RRAGC: variants seen among roughly 807,000 people sequenced by gnomAD.
RRAGC encodes ras-related GTP-binding protein C.
RRAGC carries 8 observed loss-of-function variants against 37.1 expected under a neutral mutation model. The observed-to-expected ratio is 0.22, with a 90% confidence interval of 0.13 to 0.39. The LOEUF (loss-of-function observed/expected upper bound fraction) is 0.39. Ranked by LOEUF, RRAGC falls within the 10% of genes least tolerant of loss-of-function variation. The pLI, the probability that RRAGC is intolerant of heterozygous loss-of-function variation, is 1.00. For synonymous variants in RRAGC, 190 were observed against 181.1 expected (o/e 1.05, Z -0.39); for missense variants, 342 against 497.6 (o/e 0.69, Z 2.98).
rs936243837 is a variant in RRAGC at position 38,859,721 on chromosome 1, C to A, written c.-75G>T. On this transcript the variant is annotated 5_prime_UTR_variant, in exon 1 of 7. Transcript: ENST00000373001. Reference sequence around the variant, plus strand: ...GCCAGGCCGCCGCCTCCCCAGTCCGCCTCCGCCGCCGCCGCCACCACCGCC... The same window carrying A: ...GCCAGGCCGCCGCCTCCCCAGTCCGACTCCGCCGCCGCCGCCACCACCGCC... The A allele has an allele frequency of 8.2e-7, 1 of 1,212,952 alleles. No individual in the cohort carries two copies. 75.1% of individuals were successfully genotyped at this position (1,212,952 alleles called of 1,614,324 possible).
chr1:38,853,335 G>A (rs1043827632), intron 3 of RRAGC, among the ~76,000 whole-genome samples: 1 of 152,182 alleles, frequency 6.6e-6, no homozygotes, highest in African/African-American at 2.4e-5. Flanking sequence ...TTTAAACACT[G>A]TCAACAATTC....
intron 6 of RRAGC, among the ~76,000 whole-genome samples, chr1:38,840,038 C>G (rs1040603186): frequency 3.3e-5 from 5 of 151,558 alleles, no homozygotes; most frequent in African/African-American, 1.2e-4. Flanking sequence ...GTACCAGCTA[C>G]TCAGGAGGCT....
Position 38,855,756 on chromosome 1 carries a change from C to G in RRAGC, c.593G>C (p.Arg198Thr). ...KIETQRDIHQ[R>T]ANDDLADAGL... ...AGCATCTGCAAGGTCATCATTGGCC[C>G]TTTGATGAATGTCCCTCTGTGTTTC... Residue 198 changes from arginine (R) to threonine (T), a missense_variant, in exon 3 of 7, where the codon AGG (arginine) becomes ACG (threonine). By Grantham distance (71) the Arg-to-Thr change is moderately conservative. Around this residue, in one of 3 missense-constraint regions of RRAGC, gnomAD observed 134 missense variants for 277.2 expected, o/e 0.48. Transcript: ENST00000373001. 1 of 1,614,046 alleles carries G rather than the reference C, an allele frequency of 6.2e-7. No homozygotes were observed. Among genetic ancestry groups the G allele is most frequent in the Non-Finnish European group, 8.5e-7 (1 of 1,179,968 alleles).
At chr1:38,859,388 G>C in intron 1 of RRAGC, 22 bp downstream of exon 1, 1 of 1,542,276 alleles carries the variant, frequency 6.5e-7, no homozygotes. Context: ...GGGGGCGGGG[G>C]ACTGGGCGCA....
intron 3 of RRAGC, among the ~76,000 whole-genome samples, chr1:38,854,866 G>A (rs1249034709): frequency 6.6e-6 from 1 of 152,116 alleles, no homozygotes; most frequent in Non-Finnish European, 1.5e-5. Flanking sequence ...ATAACTTGCT[G>A]TCTCTCTCCC....
At chr1:38,845,894 TG>T in intron 6 of RRAGC, 44 bp downstream of exon 6, 1 of 1,504,798 alleles carries the variant, frequency 6.6e-7, no homozygotes, top group South Asian at 1.2e-5. Context: ...TGAGAAGTTA[TG>T]GCAAAGAAAT....
chr1:38,845,079 G>A (rs1642011872), intron 6 of RRAGC, among the ~76,000 whole-genome samples: 1 of 152,174 alleles, frequency 6.6e-6, no homozygotes, highest in Non-Finnish European at 1.5e-5. Flanking sequence ...ATTCCTCAAA[G>A]ATCTAGAACC....
rs1642114291 is a variant in RRAGC at position 38,852,653 on chromosome 1, T to G, written c.642-165A>C. 8 of 456,140 alleles carry G rather than the reference T, an allele frequency of 1.8e-5. No individual in the cohort carries two copies. The South Asian group carries it at 2.4e-4, about 14-fold the overall frequency. 28.3% of individuals were successfully genotyped at this position (456,140 alleles called of 1,614,324 possible). A position where few individuals can be genotyped will look rare whatever the true frequency, so the allele number is the denominator to read the frequency against. On this transcript the variant is annotated intron_variant, in intron 3 of 6. Transcript: ENST00000373001. Reference sequence around the variant, plus strand: ...CCATCACTCAAGATGACAAATACACTTTCCCACCTGGCTTCATCTCTTTAC... The same window carrying G: ...CCATCACTCAAGATGACAAATACACGTTCCCACCTGGCTTCATCTCTTTAC...
chr1:38,845,290 C>T (rs1349752675), intron 6 of RRAGC, among the ~76,000 whole-genome samples: 2 of 152,174 alleles, frequency 1.3e-5, no homozygotes, highest in Non-Finnish European at 2.9e-5. Flanking sequence ...GAATATTATG[C>T]AGCCATAAAA....
intron 3 of RRAGC, among the ~76,000 whole-genome samples, chr1:38,853,458 A>C (rs1290871310): frequency 6.6e-6 from 1 of 152,216 alleles, no homozygotes; most frequent in Non-Finnish European, 1.5e-5. Context: ...ATTTAAAGAT[A>C]CTTTCAGCTG....
intron 3 of RRAGC, among the ~76,000 whole-genome samples, chr1:38,853,545 A>C (rs114840983): frequency 0.022 from 3,397 of 152,290 alleles, 128 homozygotes; most frequent in African/African-American, 0.075. Context: ...CGGGAGTTCG[A>C]GATCAGCCGG....
Position 38,859,689 on chromosome 1 carries a change from A to C in RRAGC, c.-43T>G. On this transcript the variant is annotated 5_prime_UTR_variant, in exon 1 of 7. Coordinates refer to ENST00000373001, the MANE Select transcript of RRAGC (RefSeq NM_022157.4). ...CGCCCGCGCCCTGACAGGCCAGGCC[A>C]GGCCGAGCCAGGCCGCCGCCTCCCC... 1 of 1,374,918 alleles carries C rather than the reference A, an allele frequency of 7.3e-7. No individual in the cohort carries two copies. Among genetic ancestry groups the C allele is most frequent in the African/African-American group, 1.5e-5 (1 of 65,642 alleles). The allele number at this position is 1,374,918 out of a possible 1,614,324, so 85.2% of individuals were successfully genotyped here. A position where few individuals can be genotyped will look rare whatever the true frequency, so the allele number is the denominator to read the frequency against.
rs1046092363 is a variant in RRAGC at position 38,839,058 on chromosome 1, T to C, written c.*495A>G. 1 of 152,604 alleles carries C rather than the reference T, an allele frequency of 6.6e-6. No individual in the cohort carries two copies. Among genetic ancestry groups the C allele is most frequent in the African/African-American group, 2.4e-5 (1 of 41,478 alleles). The allele number at this position is 152,604 out of a possible 1,614,324, so 9.5% of individuals were successfully genotyped here. A position where few individuals can be genotyped will look rare whatever the true frequency, so the allele number is the denominator to read the frequency against. On this transcript the variant is annotated 3_prime_UTR_variant, in exon 7 of 7. Transcript: ENST00000373001. The stretch of plus-strand genomic sequence containing the variant: ...CTTCCGAGTTAGCAAGCAAATGCAT[T>C]TAAAAGGTCTTAGTTGTGCAATGTC...
chr1:38,852,822 C>T (rs1642116128), intron 3 of RRAGC: 2 of 157,334 alleles, frequency 1.3e-5, no homozygotes, highest in African/African-American at 2.4e-5. Context: ...AGACTAAAAC[C>T]GAGAAAACTA....
intron 6 of RRAGC, among the ~76,000 whole-genome samples, chr1:38,844,958 TAA>T (rs1358538001): frequency 2.0e-5 from 3 of 152,146 alleles, no homozygotes; most frequent in Admixed American, 1.3e-4. Flanking sequence ...TGGCGATTAT[TAA>T]AAAGTCAGGA....
At chr1:38,849,594 A>G (rs1305182002) in intron 5 of RRAGC, among the ~76,000 whole-genome samples, 5 of 152,108 alleles carry the variant, frequency 3.3e-5, no homozygotes, top group Non-Finnish European at 5.9e-5. Context: ...AGGCTGAGGC[A>G]GGAGAACTGC....
At position 38,859,690 on chromosome 1, in the gene RRAGC, G is replaced by C; in HGVS notation, c.-44C>G. ...GCCCGCGCCCTGACAGGCCAGGCCA[G>C]GCCGAGCCAGGCCGCCGCCTCCCCA... On this transcript the variant is annotated 5_prime_UTR_variant, in exon 1 of 7. Transcript: ENST00000373001. The C allele has an allele frequency of 1.5e-6, 2 of 1,376,008 alleles. No homozygotes were observed. Among genetic ancestry groups the C allele is most frequent in the Non-Finnish European group, 1.9e-6 (2 of 1,063,410 alleles). 85.2% of individuals were successfully genotyped at this position (1,376,008 alleles called of 1,614,324 possible). A position where few individuals can be genotyped will look rare whatever the true frequency, so the allele number is the denominator to read the frequency against.
At chr1:38,847,612 T>C (rs1642044829) in intron 5 of RRAGC, 2 of 152,146 alleles carry the variant, frequency 1.3e-5, no homozygotes, top group Non-Finnish European at 2.9e-5. Flanking sequence ...AACCTTGCAG[T>C]TTACCTTCTC....
Position 38,839,666 on chromosome 1 carries a change from T to A in RRAGC, c.1087A>T (p.Ile363Phe). 6.2e-7 allele frequency: 1 copy of A among 1,614,080 alleles called. No homozygotes were observed. The change falls in exon 7 of 7, where the codon ATT becomes TTT. Residue 363 changes from isoleucine (I) to phenylalanine (F), a missense_variant. Physicochemically the swap from Ile to Phe is conservative, Grantham distance 21. Around this residue, in one of 3 missense-constraint regions of RRAGC, gnomAD observed 104 missense variants for 127.0 expected, o/e 0.82. Transcript: ENST00000373001. ...ACACCCACCTCAAAAACCTCATGAA[T>A]AGCTTTTCGGAAACAGTGGAAGTTG... Reference protein sequence around the residue: ...DYNFHCFRKAIHEVFEVGVTS... With the variant: ...DYNFHCFRKAFHEVFEVGVTS...
Sources: allele counts gnomAD v4.1 joint callset (sites outside exome capture counted in the v4.1 genomes callset), GRCh38; gene constraint gnomAD v4.1.1; regional missense constraint gnomAD v4.1.1; transcripts MANE v1.5; gene names NCBI Gene and HGNC (gene_info 2026-07-23, HGNC 2026-07-21).